FAM120A: variants seen among roughly 807,000 people sequenced by gnomAD.
The protein encoded by FAM120A is constitutive coactivator of PPAR-gamma-like protein 1.
In FAM120A, 15 loss-of-function variants were observed where a neutral mutation model predicts 109.7. That is an observed-to-expected ratio of 0.14 (90% confidence interval 0.09 to 0.21). The LOEUF (loss-of-function observed/expected upper bound fraction) is 0.21. FAM120A is among the 10% of genes least tolerant of loss of function. FAM120A has a pLI of 1.00. For missense variants in FAM120A, 899 were observed against 1,439.3 expected (o/e 0.62, Z 6.07); for synonymous variants, 493 against 572.8 (o/e 0.86, Z 1.99).
chr9:93,515,369 G>A (rs1165911304), intron 5 of FAM120A, among the ~76,000 whole-genome samples: 3 of 152,192 alleles, frequency 2.0e-5, no homozygotes, highest in Non-Finnish European at 2.9e-5. Context: ...GCAGGCAGAG[G>A]GACAGCCGAG....
chr9:93,472,769 A>G (rs535614205), intron 2 of FAM120A, among the ~76,000 whole-genome samples: 1 of 152,328 alleles, frequency 6.6e-6, no homozygotes, highest in East Asian at 1.9e-4. Context: ...TCTTTATTTC[A>G]AAGAGACACT....
At chr9:93,460,518 G>A (rs936368881) in intron 1 of FAM120A, among the ~76,000 whole-genome samples, 1 of 152,084 alleles carries the variant, frequency 6.6e-6, no homozygotes, top group Admixed American at 6.6e-5. Context: ...TGTATTTTTA[G>A]TAGAGACAGG....
intron 17 of FAM120A, among the ~76,000 whole-genome samples, chr9:93,562,722 T>C (rs1311742961): frequency 6.6e-6 from 1 of 150,520 alleles, no homozygotes; most frequent in Non-Finnish European, 1.5e-5. Flanking sequence ...TGGAGTGCCG[T>C]GGCACAATCT....
rs1588888447 is a variant in FAM120A, at chr9:93,531,634, G to A, written c.1735-521G>A. The stretch of plus-strand genomic sequence containing the variant: ...GCCACTGTACTGAGACACATTTCTT[G>A]AGCACCTGCCACACTATGGCAGAAG... On this transcript the variant is annotated intron_variant, in intron 9 of 17. Coordinates refer to ENST00000277165, the MANE Select transcript of FAM120A (RefSeq NM_014612.5). Among the ~76,000 whole-genome samples, 8 of 152,194 alleles carry A rather than the reference G, an allele frequency of 5.3e-5. No homozygotes were observed. The South Asian group carries it at 1.7e-3, about 31-fold the overall frequency.
chr9:93,562,908 G>A (rs969833749), intron 17 of FAM120A, among the ~76,000 whole-genome samples: 4 of 152,044 alleles, frequency 2.6e-5, no homozygotes, highest in African/African-American at 9.7e-5. Context: ...CAGGTGATCC[G>A]CCCGCCTTGG....
chr9:93,537,222 A>G (rs1216554277), intron 10 of FAM120A, among the ~76,000 whole-genome samples: 1 of 152,192 alleles, frequency 6.6e-6, no homozygotes, highest in East Asian at 1.9e-4. Flanking sequence ...TTCCTCCTTC[A>G]GGGTGCCTCT....
At chr9:93,563,084 A>G (rs1862527964) in intron 17 of FAM120A, among the ~76,000 whole-genome samples, 1 of 152,212 alleles carries the variant, frequency 6.6e-6, no homozygotes. Context: ...GGAAGGTAAA[A>G]TAGAGGATGT....
chr9:93,462,667 T>C (rs2131221298), intron 1 of FAM120A, among the ~76,000 whole-genome samples: 2 of 152,352 alleles, frequency 1.3e-5, no homozygotes, highest in East Asian at 3.9e-4. Flanking sequence ...AAACTGGAAC[T>C]GTGTACCCAC....
chr9:93,547,377 C>T (rs772030261), intron 11 of FAM120A, among the ~76,000 whole-genome samples: 1 of 152,138 alleles, frequency 6.6e-6, no homozygotes, highest in South Asian at 2.1e-4. Context: ...AGGTGCAACC[C>T]GGGTGGTTGG....
At chr9:93,489,723 C>T (rs758499054) in intron 3 of FAM120A, among the ~76,000 whole-genome samples, 1 of 152,200 alleles carries the variant, frequency 6.6e-6, no homozygotes, top group Non-Finnish European at 1.5e-5. Context: ...TCATATGTGT[C>T]ATAACGTTTC....
intron 5 of FAM120A, among the ~76,000 whole-genome samples, chr9:93,509,972 G>A (rs1481780608): frequency 6.6e-6 from 1 of 152,142 alleles, no homozygotes; most frequent in African/African-American, 2.4e-5. Context: ...TGGTCTTTTT[G>A]AGATGCGTCC....
At chr9:93,523,475 C>T in intron 7 of FAM120A, 1 of 374,638 alleles carries the variant, frequency 2.7e-6, no homozygotes, top group Non-Finnish European at 4.7e-6. Context: ...TGTTTTGACA[C>T]ATGGTACCAT....
intron 2 of FAM120A, 142 bp downstream of exon 2, chr9:93,471,529 T>C: frequency 9.7e-7 from 1 of 1,031,546 alleles, no homozygotes; most frequent in South Asian, 1.6e-5. Context: ...TTCCTTAGCA[T>C]TCCTTGCTTC....
At chr9:93,540,614 G>A (rs947704256) in intron 10 of FAM120A, among the ~76,000 whole-genome samples, 5 of 152,168 alleles carry the variant, frequency 3.3e-5, no homozygotes, top group East Asian at 1.9e-4. Context: ...TTTCTGGGCT[G>A]TGTCGAGTCT....
intron 5 of FAM120A, among the ~76,000 whole-genome samples, chr9:93,508,814 T>A (rs1860180627): frequency 6.6e-6 from 1 of 152,208 alleles, no homozygotes; most frequent in Non-Finnish European, 1.5e-5. Context: ...CTGATCCCAG[T>A]GTCGCATTGC....
At chr9:93,560,622 A>G (rs1013142837) in intron 15 of FAM120A, among the ~76,000 whole-genome samples, 2 of 152,250 alleles carry the variant, frequency 1.3e-5, no homozygotes, top group African/African-American at 4.8e-5. Flanking sequence ...AAAACTTACA[A>G]TTTGCAGTAA....
intron 1 of FAM120A, among the ~76,000 whole-genome samples, chr9:93,463,360 C>G (rs999378101): frequency 2.0e-5 from 3 of 152,128 alleles, no homozygotes; most frequent in African/African-American, 7.2e-5. Flanking sequence ...ACCCAATTCT[C>G]ATTTATTCTA....
rs751826528 is a variant in FAM120A, at chr9:93,451,984, G to A, written c.69G>A (p.Leu23=). The A allele has an allele frequency of 6.5e-7, 1 of 1,546,042 alleles. No individual in the cohort carries two copies. Among genetic ancestry groups the A allele is most frequent in the Admixed American group, 2.0e-5 (1 of 50,110 alleles). ...CGAGCGCCGTGGTGCCGGTGGAGCT[G>A]CAGAAGCTGGCCCGGGGCAGCCTGG... The part of the protein sequence containing the change: ...HCPSAVVPVE[L]QKLARGSLVG... The change falls in exon 1 of 18, where the codon CTG becomes CTA. Residue 23 remains leucine, a synonymous_variant. Transcript: ENST00000277165.
chr9:93,562,438 C>T, intron 17 of FAM120A, 134 bp downstream of exon 17: 1 of 650,848 alleles, frequency 1.5e-6, no homozygotes. Flanking sequence ...GTGTCTAACA[C>T]AGTAACTGGC....
Sources: gnomAD v4.1 joint callset for allele counts (sites outside exome capture counted in the v4.1 genomes callset) on GRCh38, gnomAD v4.1.1 for gene constraint, MANE v1.5 for transcripts, NCBI Gene and HGNC (gene_info 2026-07-23, HGNC 2026-07-21) for gene names.